Variants in LPP observed in about 807,000 individuals in gnomAD.
The protein encoded by LPP is LIM domain containing preferred translocation partner in lipoma.
A neutral mutation model predicts 60.4 loss-of-function variants in LPP; 38 were observed. The observed-to-expected ratio is 0.63, with a 90% confidence interval of 0.49 to 0.83. The LOEUF (loss-of-function observed/expected upper bound fraction) is 0.83. LPP is among the 40% of genes least tolerant of loss of function. The probability of loss-of-function intolerance (pLI) is 0.00; values close to 1 mark genes in which losing one functional copy is unlikely to be tolerated. For missense variants in LPP, 902 were observed against 783.6 expected (o/e 1.15, Z -1.80); for synonymous variants, 328 against 290.8 (o/e 1.13, Z -1.30).
At chr3:188,284,770 A>C (rs1318488114) in intron 2 of LPP, among the ~76,000 whole-genome samples, 1 of 152,174 alleles carries the variant, frequency 6.6e-6, no homozygotes, top group Non-Finnish European at 1.5e-5. Context: ...AGAGACAAAA[A>C]CGGGCAGGGG....
intron 5 of LPP, among the ~76,000 whole-genome samples, chr3:188,494,141 G>T (rs1447926032): frequency 6.6e-6 from 1 of 152,110 alleles, no homozygotes; most frequent in East Asian, 1.9e-4. Context: ...TGTAATTAGG[G>T]GATGCAGGCC....
At chr3:188,281,618 A>AAAAAAAAAAAC in intron 2 of LPP, among the ~76,000 whole-genome samples, 1 of 150,618 alleles carries the variant, frequency 6.6e-6, no homozygotes. Context: ...AAAAAAAAAA[A>AAAAAAAAAAAC]AAAAGCTCCA....
At chr3:188,248,713 C>G (rs1728011733) in intron 2 of LPP, among the ~76,000 whole-genome samples, 1 of 151,698 alleles carries the variant, frequency 6.6e-6, no homozygotes, top group African/African-American at 2.4e-5. Context: ...CTGCTGGGAA[C>G]TCAGGTGTGT....
chr3:188,157,771 G>T (rs1003978658), intron 1 of LPP, among the ~76,000 whole-genome samples: 7 of 152,022 alleles, frequency 4.6e-5, no homozygotes, highest in Admixed American at 2.6e-4. Flanking sequence ...CACTGAGAAG[G>T]CTCACCCTCA....
At chr3:188,228,057 CT>C (rs1055780540) in intron 2 of LPP, among the ~76,000 whole-genome samples, 2 of 152,230 alleles carry the variant, frequency 1.3e-5, no homozygotes, top group South Asian at 2.1e-4. Flanking sequence ...TTTAGCCCCC[CT>C]GTCAGAGACC....
intron 5 of LPP, among the ~76,000 whole-genome samples, chr3:188,504,484 C>G (rs1812877449): frequency 6.6e-6 from 1 of 152,004 alleles, no homozygotes; most frequent in South Asian, 2.1e-4. Flanking sequence ...TATCCTGTTT[C>G]TTTGTATGTC....
chr3:188,163,823 C>T (rs894073771), intron 1 of LPP, among the ~76,000 whole-genome samples: 1 of 149,872 alleles, frequency 6.7e-6, no homozygotes, highest in African/African-American at 2.5e-5. Flanking sequence ...TGGTAGTGGG[C>T]GCCTGTAATC....
intron 7 of LPP, among the ~76,000 whole-genome samples, chr3:188,701,437 A>G (rs1864384991): frequency 6.6e-6 from 1 of 152,246 alleles, no homozygotes; most frequent in Non-Finnish European, 1.5e-5. Flanking sequence ...AAAGAATATA[A>G]AGCATTCAAT....
At chr3:188,762,153 T>C (rs1202294390) in intron 9 of LPP, among the ~76,000 whole-genome samples, 1 of 152,214 alleles carries the variant, frequency 6.6e-6, no homozygotes, top group Non-Finnish European at 1.5e-5. Flanking sequence ...ATAGACAGTA[T>C]TGGGAAACAG....
chr3:188,461,892 T>C (rs1799043820), intron 4 of LPP, among the ~76,000 whole-genome samples: 1 of 152,162 alleles, frequency 6.6e-6, no homozygotes, highest in African/African-American at 2.4e-5. Context: ...TCCACACCCA[T>C]TTCTTCACTC....
chr3:188,801,443 C>T (rs559302018), intron 9 of LPP, among the ~76,000 whole-genome samples: 3 of 152,056 alleles, frequency 2.0e-5, no homozygotes, highest in African/African-American at 4.8e-5. Context: ...GTGCTCAGGG[C>T]GTATTATTTT....
intron 4 of LPP, among the ~76,000 whole-genome samples, chr3:188,439,793 A>T (rs1793322004): frequency 6.6e-6 from 1 of 152,200 alleles, no homozygotes; most frequent in African/African-American, 2.4e-5. Flanking sequence ...TATCCTAGTT[A>T]TTGTTCACTA....
intron 6 of LPP, among the ~76,000 whole-genome samples, chr3:188,535,040 G>C (rs536963658): frequency 1.4e-5 from 2 of 141,982 alleles, no homozygotes; most frequent in Admixed American, 7.1e-5. Context: ...TGGAACTATT[G>C]AAATGAAATA....
intron 9 of LPP, among the ~76,000 whole-genome samples, chr3:188,821,286 T>C (rs1221253255): frequency 6.7e-6 from 1 of 149,924 alleles, no homozygotes; most frequent in Non-Finnish European, 1.5e-5. Context: ...TAGAATTATC[T>C]GGATGGTTTT....
chr3:188,791,742 A>T (rs1441945096), intron 9 of LPP, among the ~76,000 whole-genome samples: 1 of 151,952 alleles, frequency 6.6e-6, no homozygotes, highest in Non-Finnish European at 1.5e-5. Context: ...TCTTCCATGG[A>T]GCCCCCTCTG....
rs549952409 is a variant in LPP, at chr3:188,453,671, A to G, written c.194-30921A>G. Among the ~76,000 whole-genome samples the G allele has an allele frequency of 5.9e-5, 9 of 152,072 alleles. No individual in the cohort carries two copies. The South Asian group carries it at 1.9e-3, about 32-fold the overall frequency. Reference sequence around the variant, plus strand: ...TCTCAGTCCAGAATACATTTTAAATATTTCTACTTCCACAAATCTATTCTA... The same window carrying G: ...TCTCAGTCCAGAATACATTTTAAATGTTTCTACTTCCACAAATCTATTCTA... On this transcript the variant is annotated intron_variant, in intron 4 of 11. Transcript: ENST00000617246.
chr3:188,456,192 G>A (rs375582830), intron 4 of LPP, among the ~76,000 whole-genome samples: 1 of 152,192 alleles, frequency 6.6e-6, no homozygotes, highest in East Asian at 1.9e-4. Context: ...CTCATTTGGC[G>A]TTTATTGACA....
At chr3:188,382,652 C>A (rs1444218678) in intron 3 of LPP, among the ~76,000 whole-genome samples, 4 of 152,164 alleles carry the variant, frequency 2.6e-5, no homozygotes, top group Non-Finnish European at 5.9e-5. Context: ...CTTTTTAACC[C>A]TCCTTCATAC....
intron 4 of LPP, among the ~76,000 whole-genome samples, chr3:188,412,748 G>T (rs1168704026): frequency 6.6e-6 from 1 of 152,064 alleles, no homozygotes; most frequent in Non-Finnish European, 1.5e-5. Flanking sequence ...GTGAATATTG[G>T]TTCACATAGA....
Sources: gnomAD v4.1 joint callset for allele counts (sites outside exome capture counted in the v4.1 genomes callset) on GRCh38, gnomAD v4.1.1 for gene constraint, MANE v1.5 for transcripts, NCBI Gene and HGNC (gene_info 2026-07-23, HGNC 2026-07-21) for gene names.